NOVA1: variants seen among roughly 807,000 people sequenced by gnomAD.
NOVA1 encodes NOVA alternative splicing regulator 1, also known as RNA-binding protein Nova-1.
NOVA1 carries 7 observed loss-of-function variants against 38.0 expected under a neutral mutation model. The ratio of observed to expected loss-of-function variants is 0.18; its 90% confidence interval spans 0.10 to 0.35. The LOEUF (loss-of-function observed/expected upper bound fraction) is 0.35, where lower values mean the gene tolerates loss of function less well. Ranked by LOEUF, NOVA1 falls within the 10% of genes least tolerant of loss-of-function variation. The pLI is 1.00. For missense variants in NOVA1, 460 were observed against 616.0 expected, an observed-to-expected ratio of 0.75 and a Z score of 2.68; for synonymous variants, 270 against 232.5, an observed-to-expected ratio of 1.16 and a Z score of -1.47.
At chr14:26,475,156 G>A (rs929662553) in intron 3 of NOVA1, among the ~76,000 whole-genome samples, 6 of 152,000 alleles carry the variant, frequency 3.9e-5, no homozygotes, top group Admixed American at 2.6e-4. Context: ...CAATATAAAT[G>A]TACAAGTTGT....
At chr14:26,519,127 AT>A (rs1246777280) in intron 2 of NOVA1, 5 of 152,140 alleles carry the variant, frequency 3.3e-5, no homozygotes, top group Non-Finnish European at 7.4e-5. Flanking sequence ...TGAAATTAGT[AT>A]TTTTGAAATG....
chr14:26,481,997 A>T (rs1340757568), intron 2 of NOVA1, among the ~76,000 whole-genome samples: 3 of 31,328 alleles, frequency 9.6e-5, no homozygotes, highest in South Asian at 3.1e-3. Flanking sequence ...ATAAAAAAAA[A>T]AAAAAAAAAA....
chr14:26,528,030 A>G (rs1006700698), intron 2 of NOVA1, among the ~76,000 whole-genome samples: 2 of 152,158 alleles, frequency 1.3e-5, no homozygotes, highest in East Asian at 1.9e-4. Context: ...AAGTGTGGCA[A>G]TTCCCCAGAA....
intron 4 of NOVA1, among the ~76,000 whole-genome samples, chr14:26,460,406 T>C (rs1883556639): frequency 6.6e-6 from 1 of 151,976 alleles, no homozygotes; most frequent in Non-Finnish European, 1.5e-5. Flanking sequence ...GGTGAAATAG[T>C]TCATTTATAA....
At chr14:26,523,126 TACTC>T (rs1351649416) in intron 2 of NOVA1, among the ~76,000 whole-genome samples, 5 of 152,334 alleles carry the variant, frequency 3.3e-5, no homozygotes, top group Admixed American at 6.5e-5. Context: ...GGTTTTAACT[TACTC>T]ACCACTGGGA....
chr14:26,452,025 G>A (rs1882724047), intron 4 of NOVA1, among the ~76,000 whole-genome samples: 1 of 152,212 alleles, frequency 6.6e-6, no homozygotes, highest in African/African-American at 2.4e-5. Context: ...TTAGACAATA[G>A]GCTATTCTGT....
intron 2 of NOVA1, among the ~76,000 whole-genome samples, chr14:26,502,282 C>T (rs781395002): frequency 2.8e-4 from 43 of 151,850 alleles, no homozygotes; most frequent in Non-Finnish European, 5.3e-4. Context: ...TTGTAAGTTT[C>T]TTGCTAACAT....
At chr14:26,596,835 G>A (rs1328334886) in intron 1 of NOVA1, 2 of 1,113,314 alleles carry the variant, frequency 1.8e-6, no homozygotes, top group African/African-American at 3.3e-5. Flanking sequence ...GATGGAGAGA[G>A]GAAAAACTCT....
In NOVA1 at chr14:26,489,882, CT is replaced by C. The variant is rs1011865075; in HGVS notation, c.281-9740del. Among the ~76,000 whole-genome samples the C allele has an allele frequency of 4.1e-4, 62 of 152,046 alleles. 2 individuals carry two copies. The highest frequency in any genetic ancestry group is 4.4e-5 in the Non-Finnish European group (3 of 68,010). Reference sequence around the variant, plus strand: ...AATTGTGCTACATACAAAACTGGTCCTTTTACCCATCTTTAGGTGTACAATT... The same window carrying C: ...AATTGTGCTACATACAAAACTGGTCCTTTACCCATCTTTAGGTGTACAATT... On this transcript the variant is annotated intron_variant, in intron 2 of 4. Coordinates refer to ENST00000539517, the MANE Select transcript of NOVA1 (RefSeq NM_002515.3).
intron 4 of NOVA1, among the ~76,000 whole-genome samples, chr14:26,456,574 C>A (rs548182640): frequency 7.9e-5 from 12 of 152,066 alleles, no homozygotes; most frequent in Admixed American, 2.0e-4. Context: ...AAAAAATAAA[C>A]CAAATATAAA....
At chr14:26,462,550 A>T (rs1306566337) in intron 4 of NOVA1, among the ~76,000 whole-genome samples, 5 of 152,246 alleles carry the variant, frequency 3.3e-5, no homozygotes, top group African/African-American at 4.8e-5. Context: ...ATTTTGATAT[A>T]AAGCTAGAGT....
chr14:26,583,059 T>C (rs920592039), intron 2 of NOVA1, among the ~76,000 whole-genome samples: 1 of 151,784 alleles, frequency 6.6e-6, no homozygotes, highest in Non-Finnish European at 1.5e-5. Context: ...GGAACATACC[T>C]TTCCTTAAAC....
At chr14:26,554,964 G>A (rs926431752) in intron 2 of NOVA1, among the ~76,000 whole-genome samples, 4 of 151,920 alleles carry the variant, frequency 2.6e-5, no homozygotes, top group Admixed American at 1.3e-4. Flanking sequence ...AATATGTTTC[G>A]TGCATTTGTA....
chr14:26,448,310 A>G lies in NOVA1; in HGVS notation c.1173T>C (p.Ala391=). Residue 391 remains alanine, a synonymous_variant, in exon 5 of 5, where the codon GCT becomes GCC. Transcript: ENST00000539517. The surrounding 1 kb of genome is among the most constrained non-coding windows in gnomAD (Gnocchi z 5.3). ...GTFALGSLAA[A]TAATNGYFGA... is the part of the protein sequence containing the mutation. ...CAAAATATCCATTGGTTGCAGCAGT[A>G]GCAGCAGCCAGGCTACCTAATGCAA... 1 of 1,614,082 alleles carries G rather than the reference A, an allele frequency of 6.2e-7. No individual in the cohort carries two copies. Among genetic ancestry groups the G allele is most frequent in the Non-Finnish European group, 8.5e-7 (1 of 1,179,984 alleles).
chr14:26,556,151 T>A (rs867432868), intron 2 of NOVA1, among the ~76,000 whole-genome samples: 1 of 152,156 alleles, frequency 6.6e-6, no homozygotes, highest in Non-Finnish European at 1.5e-5. Flanking sequence ...ATCAATTAAC[T>A]GATTCTAAAG....
intron 2 of NOVA1, among the ~76,000 whole-genome samples, chr14:26,485,686 G>A (rs1885833089): frequency 6.6e-6 from 1 of 152,056 alleles, no homozygotes. Context: ...AGTTTCAATT[G>A]TCATCTATAA....
At chr14:26,482,457 C>CAGGT (rs1302282049) in intron 2 of NOVA1, among the ~76,000 whole-genome samples, 1 of 151,902 alleles carries the variant, frequency 6.6e-6, no homozygotes, top group African/African-American at 2.4e-5. Context: ...GGGAGACTGT[C>CAGGT]AGGTGTATGA....
intron 4 of NOVA1, chr14:26,470,222 T>A: frequency 9.3e-7 from 1 of 1,072,434 alleles, no homozygotes; most frequent in East Asian, 3.5e-5. Flanking sequence ...TATTTTCTTA[T>A]CTTGGTTATA....
intron 2 of NOVA1, among the ~76,000 whole-genome samples, chr14:26,577,598 C>T (rs1436275087): frequency 6.6e-6 from 1 of 152,010 alleles, no homozygotes; most frequent in Admixed American, 6.6e-5. Flanking sequence ...TATGGCTTTC[C>T]TTTAAGGCAA....
Sources: gnomAD v4.1 joint callset for allele counts (sites outside exome capture counted in the v4.1 genomes callset) on GRCh38, gnomAD v4.1.1 for gene constraint, Gnocchi (gnomAD v3.1) non-coding constraint, MANE v1.5 for transcripts, NCBI Gene and HGNC (gene_info 2026-07-23, HGNC 2026-07-21) for gene names.